FGF6: variants seen among roughly 807,000 people sequenced by gnomAD.
FGF6 encodes fibroblast growth factor 6.
A neutral mutation model predicts 18.4 loss-of-function variants in FGF6; 14 were observed. The observed-to-expected ratio is 0.76, with a 90% confidence interval of 0.50 to 1.19. The LOEUF (loss-of-function observed/expected upper bound fraction) is 1.19. Ranked by LOEUF, FGF6 falls within the 50% of genes most tolerant of loss-of-function variation. The probability of loss-of-function intolerance (pLI) is 0.00; values close to 1 mark genes in which losing one functional copy is unlikely to be tolerated. For missense variants in FGF6, 266 were observed against 271.6 expected (o/e 0.98, Z 0.15); for synonymous variants, 125 against 116.7 (o/e 1.07, Z -0.46).
chr12:4,444,948 C>T (rs1865739228), intron 1 of FGF6, among the ~76,000 whole-genome samples: 1 of 152,152 alleles, frequency 6.6e-6, no homozygotes, highest in African/African-American at 2.4e-5. Flanking sequence ...CTAATGGTTC[C>T]TAATGGTCTT....
At position 4,445,603 on chromosome 12, in the gene FGF6, A is replaced by C. The variant is rs2137033073; in HGVS notation, c.-33T>G. ...GCCTCTCAGGCACGTGGTCAGAATT[A>C]ATGGCCCTAAAAATACCGCCCTTCT... On this transcript the variant is annotated 5_prime_UTR_variant, in exon 1 of 3. The change creates a new upstream start codon in the 5' untranslated region. Transcript: ENST00000228837. The surrounding 1 kb of genome is among the most constrained non-coding windows in gnomAD (Gnocchi z 5.5). The C allele has an allele frequency of 6.7e-7, 1 of 1,499,938 alleles. No individual in the cohort carries two copies. Among genetic ancestry groups the C allele is most frequent in the East Asian group, 2.3e-5 (1 of 43,616 alleles). The allele number at this position is 1,499,938 out of a possible 1,614,324, so 92.9% of individuals were successfully genotyped here. A position where few individuals can be genotyped will look rare whatever the true frequency, so the allele number is the denominator to read the frequency against.
In FGF6 at chr12:4,434,307, T is replaced by G; in HGVS notation, c.535A>C (p.Thr179Pro). The change falls in exon 3 of 3, where the codon ACC becomes CCC. Residue 179 changes from threonine (T) to proline (P), a missense_variant. Thr to Pro is a conservative substitution (Grantham distance 38). Transcript: ENST00000228837. ...NAYESDLYQG[T>P]YIALSKYGRV... ...CCGTATTTGCTCAGGGCAATGTAGGTCCCTTGGTACAAGTCTGACTCGTAG... is the reference window on the plus strand; with the variant it reads ...CCGTATTTGCTCAGGGCAATGTAGGGCCCTTGGTACAAGTCTGACTCGTAG... 1 of 1,614,116 alleles carries G rather than the reference T, an allele frequency of 6.2e-7. No individual in the cohort carries two copies. The highest frequency in any genetic ancestry group is 1.6e-4 in the Middle Eastern group (1 of 6,062).
In FGF6 at chr12:4,445,098, AAGTGGTG is replaced by A; in HGVS notation, c.346+120_346+126del. ...CAGGCAGGGTCACGTGGAATCATCT[AAGTGGTG>A]AGCAGCATTTCTGCCCCCTTTATCG... is the stretch of plus-strand genomic sequence containing the variant. On this transcript the variant is annotated intron_variant, in intron 1 of 2. Coordinates refer to ENST00000228837, the MANE Select transcript of FGF6 (RefSeq NM_020996.3). The surrounding 1 kb of genome is among the most constrained non-coding windows in gnomAD (Gnocchi z 5.5). 1 of 802,068 alleles carries A rather than the reference AAGTGGTG, an allele frequency of 1.2e-6. No homozygotes were observed. The highest frequency in any genetic ancestry group is 2.0e-6 in the Non-Finnish European group (1 of 511,820). The allele number at this position is 802,068 out of a possible 1,614,324, so 49.7% of individuals were successfully genotyped here.
intron 2 of FGF6, among the ~76,000 whole-genome samples, chr12:4,440,288 G>A (rs1565470922): frequency 6.6e-6 from 1 of 152,158 alleles, no homozygotes; most frequent in Non-Finnish European, 1.5e-5. Context: ...GCATATCCAT[G>A]GGGTAGAGGT....
At chr12:4,439,696 A>C (rs930715492) in intron 2 of FGF6, among the ~76,000 whole-genome samples, 1 of 147,688 alleles carries the variant, frequency 6.8e-6, no homozygotes, top group Admixed American at 6.7e-5. Context: ...TTTCAAGTTT[A>C]CTACTTTTTT....
chr12:4,445,629 T>A lies in FGF6; in HGVS notation c.-59A>T. 1 of 1,370,426 alleles carries A rather than the reference T, an allele frequency of 7.3e-7. No individual in the cohort carries two copies. The highest frequency in any genetic ancestry group is 9.8e-7 in the Non-Finnish European group (1 of 1,016,922). 84.9% of individuals were successfully genotyped at this position (1,370,426 alleles called of 1,614,324 possible). On this transcript the variant is annotated 5_prime_UTR_variant, in exon 1 of 3. Coordinates refer to ENST00000228837, the MANE Select transcript of FGF6 (RefSeq NM_020996.3). The surrounding 1 kb of genome is among the most constrained non-coding windows in gnomAD (Gnocchi z 5.5). ...ATGGCCCTAAAAATACCGCCCTTCT[T>A]GTTTTTCTCCCTCCGGCATGGCGGC... is the stretch of plus-strand genomic sequence containing the variant.
intron 2 of FGF6, among the ~76,000 whole-genome samples, chr12:4,436,286 T>A (rs1197955641): frequency 6.6e-6 from 1 of 152,160 alleles, no homozygotes; most frequent in Non-Finnish European, 1.5e-5. Flanking sequence ...ATGAGGACTG[T>A]GTCTTGCTTG....
chr12:4,434,518 C>T (rs535574643), intron 2 of FGF6, 127 bp from the exon 3 acceptor site: 42 of 832,244 alleles, frequency 5.0e-5, no homozygotes, highest in South Asian at 4.3e-4. Flanking sequence ...AGACAACCAC[C>T]GTGAGGTCTG....
chr12:4,445,399 G>T lies in FGF6; in HGVS notation c.172C>A (p.Leu58Met), dbSNP rs952218723. 4.3e-6 allele frequency: 7 copies of T among 1,613,664 alleles called. No homozygotes were observed. In the East Asian group the frequency reaches 1.6e-4, roughly 36 times the overall value. Residue 58 changes from leucine (L) to methionine (M), a missense_variant, in exon 1 of 3, where the codon CTG becomes ATG. Leu to Met is a conservative substitution (Grantham distance 15). Transcript: ENST00000228837. This position sits in a 1 kb window ranked among gnomAD's most constrained non-coding sequence, Gnocchi z 5.5. The part of the protein sequence containing the change: ...LLDSRGWGTL[L>M]SRSRAGLAGE... ...GCTAGCCCGGCGCGAGACCTGGACAGCAGGGTGCCCCAGCCCCTCGAGTCC... is the reference window on the plus strand; with the variant it reads ...GCTAGCCCGGCGCGAGACCTGGACATCAGGGTGCCCCAGCCCCTCGAGTCC...
At position 4,445,647 on chromosome 12, in the gene FGF6, A is replaced by G; in HGVS notation, c.-77T>C. On this transcript the variant is annotated 5_prime_UTR_variant, in exon 1 of 3. It removes an upstream start codon present in the reference 5' UTR. Coordinates refer to ENST00000228837, the MANE Select transcript of FGF6 (RefSeq NM_020996.3). This position sits in a 1 kb window ranked among gnomAD's most constrained non-coding sequence, Gnocchi z 5.5. The stretch of plus-strand genomic sequence containing the variant: ...CCCTTCTTGTTTTTCTCCCTCCGGC[A>G]TGGCGGCAGGGGCTTATTTTTGGAA... 2 of 1,227,248 alleles carry G rather than the reference A, an allele frequency of 1.6e-6. No homozygotes were observed. The highest frequency in any genetic ancestry group is 1.5e-5 in the African/African-American group (1 of 66,108). The allele number at this position is 1,227,248 out of a possible 1,614,324, so 76.0% of individuals were successfully genotyped here.
intron 2 of FGF6, among the ~76,000 whole-genome samples, chr12:4,435,151 C>T (rs1865613053): frequency 6.6e-6 from 1 of 152,106 alleles, no homozygotes; most frequent in Non-Finnish European, 1.5e-5. Context: ...GGGTCCCCGA[C>T]CCCCAGGCTG....
rs1865605841 is a variant in FGF6 at position 4,434,474 on chromosome 12, C to T, written c.451-83G>A. 3.7e-6 allele frequency: 5 copies of T among 1,346,692 alleles called. 1 individual carries two copies. Among genetic ancestry groups the T allele is most frequent in the South Asian group, 2.4e-5 (2 of 82,642 alleles). The allele number at this position is 1,346,692 out of a possible 1,614,324, so 83.4% of individuals were successfully genotyped here. A position where few individuals can be genotyped will look rare whatever the true frequency, so the allele number is the denominator to read the frequency against. On this transcript the variant is annotated intron_variant, in intron 2 of 2. Transcript: ENST00000228837. ...TGCCAGCTGGGCCGCAGAGAGTAGGCCCCTCTGCCAGGTGCCCTTCCCTTC... is the reference window on the plus strand; with the variant it reads ...TGCCAGCTGGGCCGCAGAGAGTAGGTCCCTCTGCCAGGTGCCCTTCCCTTC...
rs147013871 is a variant in FGF6 at position 4,445,358 on chromosome 12, C to T, written c.213G>A (p.Gly71=). The part of the protein sequence containing the change: ...SRAGLAGEIA[G]VNWESGYLVG... ...CCAAATAGCCACTTTCCCAGTTCAC[C>T]CCGGCAATCTCTCCAGCTAGCCCGG... The change falls in exon 1 of 3, where the codon GGG becomes GGA. Residue 71 remains glycine (G), a synonymous_variant. Transcript: ENST00000228837. This position sits in a 1 kb window ranked among gnomAD's most constrained non-coding sequence, Gnocchi z 5.5. 637 of 1,614,062 alleles carry T rather than the reference C, an allele frequency of 3.9e-4. 14 individuals are homozygous for T. The East Asian group carries it at 5.8e-3, about 15-fold the overall frequency.
intron 2 of FGF6, among the ~76,000 whole-genome samples, chr12:4,441,426 C>T (rs1865689484): frequency 2.0e-5 from 3 of 152,164 alleles, no homozygotes; most frequent in Admixed American, 1.3e-4. Context: ...ATCAAATGCA[C>T]CTCCTAGGGG....
intron 2 of FGF6, among the ~76,000 whole-genome samples, chr12:4,438,977 C>T (rs1184482352): frequency 2.6e-5 from 4 of 152,028 alleles, no homozygotes; most frequent in East Asian, 1.9e-4. Flanking sequence ...GGTGCGTGCA[C>T]GTGTGCGTTA....
intron 2 of FGF6, among the ~76,000 whole-genome samples, chr12:4,438,299 T>C (rs1177566366): frequency 6.6e-6 from 1 of 152,198 alleles, no homozygotes; most frequent in Non-Finnish European, 1.5e-5. Flanking sequence ...CTGATGTGTA[T>C]ACTGTTATAA....
At chr12:4,442,633 C>G (rs942406782) in intron 2 of FGF6, among the ~76,000 whole-genome samples, 1 of 152,186 alleles carries the variant, frequency 6.6e-6, no homozygotes, top group African/African-American at 2.4e-5. Context: ...GGCTTCCGGG[C>G]ATTATGCAGG....
rs761290009 is a variant in FGF6, at chr12:4,445,590, C to G, written c.-20G>C. ...GGCCATCCACCTTGCCTCTCAGGCA[C>G]GTGGTCAGAATTAATGGCCCTAAAA... On this transcript the variant is annotated 5_prime_UTR_variant, in exon 1 of 3. Transcript: ENST00000228837. This position sits in a 1 kb window ranked among gnomAD's most constrained non-coding sequence, Gnocchi z 5.5. The G allele has an allele frequency of 6.5e-7, 1 of 1,545,382 alleles. No homozygotes were observed. Among genetic ancestry groups the G allele is most frequent in the Non-Finnish European group, 8.8e-7 (1 of 1,140,064 alleles).
intron 1 of FGF6, among the ~76,000 whole-genome samples, chr12:4,444,551 A>C (rs935696578): frequency 6.6e-6 from 1 of 152,168 alleles, no homozygotes; most frequent in African/African-American, 2.4e-5. Context: ...GAGGTCCTTG[A>C]CTTGAGTAAA....
Sources: allele counts gnomAD v4.1 joint callset (sites outside exome capture counted in the v4.1 genomes callset), GRCh38; gene constraint gnomAD v4.1.1; non-coding constraint Gnocchi (gnomAD v3.1); transcripts MANE v1.5; gene names NCBI Gene and HGNC (gene_info 2026-07-23, HGNC 2026-07-21).